Variants in SCHIP1 observed in about 807,000 individuals in gnomAD.
SCHIP1 encodes the protein schwannomin interacting protein 1.
A neutral mutation model predicts 29.7 loss-of-function variants in SCHIP1; 8 were observed. The observed-to-expected ratio is 0.27, with a 90% confidence interval of 0.16 to 0.49. SCHIP1 has a LOEUF of 0.49. Among genes scored for constraint, SCHIP1 ranks in the 20% least tolerant of loss-of-function variants. The pLI, the probability that SCHIP1 is intolerant of heterozygous loss-of-function variation, is 0.99. For missense variants in SCHIP1, 193 were observed against 294.6 expected, an observed-to-expected ratio of 0.66 and a Z score of 2.52; for synonymous variants, 76 against 94.9, an observed-to-expected ratio of 0.80 and a Z score of 1.16.
chr3:159,798,974 G>A, the SCHIP1 span, among the ~76,000 whole-genome samples: 66 of 152,276 alleles, frequency 4.3e-4, no homozygotes, highest in Non-Finnish European at 1.5e-5. Flanking sequence ...TAGTTGCAAA[G>A]CTCCTGGAAT....
chr3:159,549,412 T>C, the SCHIP1 span, among the ~76,000 whole-genome samples: 2 of 152,172 alleles, frequency 1.3e-5, no homozygotes, highest in Non-Finnish European at 2.9e-5. Context: ...GTGGCTTTAA[T>C]TGGAGATGGG....
the SCHIP1 span, among the ~76,000 whole-genome samples, chr3:159,462,970 C>G: frequency 6.6e-6 from 1 of 151,972 alleles, no homozygotes; most frequent in African/African-American, 2.4e-5. Flanking sequence ...CAATGGAATA[C>G]AGTTCAGCTG....
chr3:159,673,492 A>G, the SCHIP1 span, among the ~76,000 whole-genome samples: 1 of 152,190 alleles, frequency 6.6e-6, no homozygotes, highest in African/African-American at 2.4e-5. Context: ...TGATTTGGCA[A>G]TCTCTCACCT....
chr3:159,326,986 G>A, the SCHIP1 span, among the ~76,000 whole-genome samples: 1 of 152,188 alleles, frequency 6.6e-6, no homozygotes, highest in Non-Finnish European at 1.5e-5. Flanking sequence ...ACTGGCAATA[G>A]ATAGGATCAT....
the SCHIP1 span, among the ~76,000 whole-genome samples, chr3:159,459,634 A>C: frequency 1.3e-5 from 2 of 152,198 alleles, no homozygotes; most frequent in Admixed American, 6.5e-5. Context: ...ACTAAAACTC[A>C]GGGTAGCCCA....
chr3:159,791,779 A>G, the SCHIP1 span, among the ~76,000 whole-genome samples: 31,240 of 152,154 alleles, frequency 0.21, 3,508 homozygotes, highest in South Asian at 0.32. Flanking sequence ...AAACAGGGTA[A>G]TATTAGTGAG....
the SCHIP1 span, among the ~76,000 whole-genome samples, chr3:159,670,479 C>T: frequency 6.6e-6 from 1 of 152,144 alleles, no homozygotes; most frequent in African/African-American, 2.4e-5. Flanking sequence ...TGAATGCTTC[C>T]TTTTGCTGTC....
the SCHIP1 span, chr3:159,401,376 G>A: frequency 7.2e-6 from 7 of 969,768 alleles, no homozygotes; most frequent in Middle Eastern, 5.3e-4. Context: ...AAACAAGGTT[G>A]AGTGACATCT....
At chr3:159,419,238 C>G in the SCHIP1 span, among the ~76,000 whole-genome samples, 1 of 152,166 alleles carries the variant, frequency 6.6e-6, no homozygotes, top group African/African-American at 2.4e-5. Flanking sequence ...TTTGTTTCCT[C>G]CATTGTGAAT....
the SCHIP1 span, among the ~76,000 whole-genome samples, chr3:159,297,627 A>C: frequency 3.3e-5 from 5 of 152,138 alleles, no homozygotes; most frequent in African/African-American, 1.2e-4. Context: ...AGATATGCAG[A>C]CACACCACTG....
At chr3:159,286,305 A>T in the SCHIP1 span, among the ~76,000 whole-genome samples, 2 of 152,104 alleles carry the variant, frequency 1.3e-5, no homozygotes, top group Non-Finnish European at 2.9e-5. Context: ...GCTCCCACTT[A>T]TAAGTGAGAA....
the SCHIP1 span, among the ~76,000 whole-genome samples, chr3:159,638,117 T>C: frequency 0.16 from 25,089 of 152,178 alleles, 5,744 homozygotes; most frequent in African/African-American, 0.52. Context: ...TCCTTCTGAG[T>C]CCAGCTAAGA....
chr3:159,755,040 C>T, the SCHIP1 span, among the ~76,000 whole-genome samples: 1 of 152,172 alleles, frequency 6.6e-6, no homozygotes, highest in Non-Finnish European at 1.5e-5. Context: ...TCGAGACCAT[C>T]CTGGCTAACA....
chr3:159,553,209 G>T, the SCHIP1 span, among the ~76,000 whole-genome samples: 2 of 150,568 alleles, frequency 1.3e-5, no homozygotes, highest in South Asian at 4.2e-4. Flanking sequence ...CTAGATTAAT[G>T]TGAGCAAACA....
the SCHIP1 span, among the ~76,000 whole-genome samples, chr3:159,488,119 T>C: frequency 6.8e-6 from 1 of 146,372 alleles, no homozygotes; most frequent in Non-Finnish European, 1.5e-5. Context: ...ATGTTCTCAC[T>C]CACATGTGGG....
chr3:159,764,869 G>A, the SCHIP1 span: 5 of 1,585,402 alleles, frequency 3.2e-6, no homozygotes, highest in Admixed American at 1.8e-5. This position sits in a 1 kb window ranked among gnomAD's most constrained non-coding sequence, Gnocchi z 6.1. Context: ...CAGGCACAAT[G>A]GCAACGTGGT....
chr3:159,582,057 C>T, the SCHIP1 span, among the ~76,000 whole-genome samples: 1 of 152,086 alleles, frequency 6.6e-6, no homozygotes, highest in South Asian at 2.1e-4. Context: ...TTTTAAAATA[C>T]TTTGAGTGTT....
chr3:159,342,538 T>G, the SCHIP1 span, among the ~76,000 whole-genome samples: 2 of 152,216 alleles, frequency 1.3e-5, no homozygotes, highest in Non-Finnish European at 2.9e-5. Flanking sequence ...TACTCAATTT[T>G]CTTTTTTTAA....
the SCHIP1 span, among the ~76,000 whole-genome samples, chr3:159,720,613 G>A: frequency 6.6e-6 from 1 of 151,378 alleles, no homozygotes; most frequent in Admixed American, 6.6e-5. Flanking sequence ...GAGGCAGAGT[G>A]TTACTCTGCC....
Sources: gnomAD v4.1 joint callset for allele counts (sites outside exome capture counted in the v4.1 genomes callset) on GRCh38, gnomAD v4.1.1 for gene constraint, Gnocchi (gnomAD v3.1) non-coding constraint, MANE v1.5 for transcripts, NCBI Gene and HGNC (gene_info 2026-07-23, HGNC 2026-07-21) for gene names.